MLLT10: variants seen among roughly 807,000 people sequenced by gnomAD.
MLLT10 encodes the protein MLLT10 histone lysine methyltransferase DOT1L cofactor, also known as protein AF-10.
Under a neutral mutation model 129.1 loss-of-function variants are expected in MLLT10, and 30 were observed. The observed-to-expected ratio is 0.23, with a 90% CI of 0.17 to 0.32. The LOEUF is 0.32. Ranked by LOEUF, MLLT10 falls within the 10% of genes least tolerant of loss-of-function variation. The pLI is 1.00. For synonymous variants in MLLT10, 490 were observed against 446.4 expected (o/e 1.10, Z -1.23); for missense variants, 1,119 against 1,268.3 (o/e 0.88, Z 1.79).
chr10:21,734,083 G>A lies in MLLT10; in HGVS notation c.2812G>A (p.Val938Ile), dbSNP rs773554943. The change falls in exon 20 of 23, where the codon GTA becomes ATA. Residue 938 changes from valine to isoleucine, a missense_variant. Transcript: ENST00000307729. Reference sequence around the variant, plus strand: ...CCCTACCCCTCTCACCCACACAACCGTACCACCTAATGCAACACATCCAAT... The same window carrying A: ...CCCTACCCCTCTCACCCACACAACCATACCACCTAATGCAACACATCCAAT... ...QNPTPLTHTT[V>I]PPNATHPMPA... is the part of the protein sequence containing the mutation. 2.4e-5 allele frequency: 38 copies of A among 1,613,544 alleles called. No individual in the cohort carries two copies. Among genetic ancestry groups the A allele is most frequent in the African/African-American group, 2.7e-5 (2 of 75,008 alleles).
chr10:21,601,662 A>G (rs2043545829), intron 5 of MLLT10, among the ~76,000 whole-genome samples: 1 of 152,160 alleles, frequency 6.6e-6, no homozygotes. Flanking sequence ...CTGAGTAACT[A>G]GGAGTACAGG....
intron 13 of MLLT10, among the ~76,000 whole-genome samples, chr10:21,685,399 A>C (rs1365189608): frequency 6.6e-6 from 1 of 152,220 alleles, no homozygotes; most frequent in Non-Finnish European, 1.5e-5. Context: ...CAATGGTGCC[A>C]TCTCAGCTCA....
chr10:21,707,364 T>A (rs2055627975), intron 13 of MLLT10, among the ~76,000 whole-genome samples: 1 of 151,818 alleles, frequency 6.6e-6, no homozygotes, highest in Admixed American at 6.6e-5. Flanking sequence ...GGCTAATTTT[T>A]GTATTTTTAG....
chr10:21,651,500 A>C (rs1312916416), intron 8 of MLLT10, among the ~76,000 whole-genome samples, 173 bp from the exon 9 acceptor site: 1 of 152,254 alleles, frequency 6.6e-6, no homozygotes, highest in African/African-American at 2.4e-5. Context: ...ACTTACCTAA[A>C]AAGAAACTCA....
In MLLT10 at chr10:21,682,235, G is replaced by C; in HGVS notation, c.1677G>C (p.Glu559Asp). The C allele has an allele frequency of 6.2e-7, 1 of 1,611,038 alleles. No individual in the cohort carries two copies. Among genetic ancestry groups the C allele is most frequent in the African/African-American group, 1.3e-5 (1 of 74,914 alleles). ...TTCCTTACTTAAAAGCGTTCTCAGAGTTGCTGAATGCAATACACAACGGTA... is the reference window on the plus strand; with the variant it reads ...TTCCTTACTTAAAAGCGTTCTCAGACTTGCTGAATGCAATACACAACGGTA... ...DGACPTTTFS[E>D]LLNAIHNGIY... The change falls in exon 13 of 23, where the codon GAG becomes GAC. Residue 559 changes from glutamate to aspartate, a missense_variant. Glu to Asp is a conservative substitution (Grantham distance 45). This residue lies in a region of MLLT10 where 1,004 missense variants were observed against 1,008.7 expected (regional missense o/e 1.00). Transcript: ENST00000307729.
At chr10:21,632,385 C>T (rs934858762) in intron 8 of MLLT10, among the ~76,000 whole-genome samples, 4 of 152,114 alleles carry the variant, frequency 2.6e-5, no homozygotes, top group African/African-American at 9.7e-5. Flanking sequence ...ATTATAGCAT[C>T]ATGGAGATGA....
chr10:21,688,745 T>G (rs1415025987), intron 13 of MLLT10, among the ~76,000 whole-genome samples: 2 of 152,188 alleles, frequency 1.3e-5, no homozygotes, highest in Non-Finnish European at 1.5e-5. Context: ...TTTGTCATAT[T>G]GCTTCAGACT....
chr10:21,559,191 C>A (rs1353118321), intron 3 of MLLT10, among the ~76,000 whole-genome samples: 2 of 152,230 alleles, frequency 1.3e-5, no homozygotes, highest in Non-Finnish European at 2.9e-5. Flanking sequence ...TCAAGTGATT[C>A]TCCTGCCTCA....
intron 7 of MLLT10, among the ~76,000 whole-genome samples, chr10:21,615,457 C>CAAAA (rs71393914): frequency 1.3e-5 from 1 of 75,586 alleles, no homozygotes; most frequent in Non-Finnish European, 2.4e-5. Flanking sequence ...GACTCCGTCT[C>CAAAA]AAAAAAAAAA....
intron 3 of MLLT10, among the ~76,000 whole-genome samples, chr10:21,575,280 A>G (rs1283851359): frequency 6.6e-6 from 1 of 151,710 alleles, no homozygotes; most frequent in Non-Finnish European, 1.5e-5. Flanking sequence ...CAACCTCTGC[A>G]TCCCGGGTTC....
At chr10:21,638,268 G>A (rs1323464883) in intron 8 of MLLT10, among the ~76,000 whole-genome samples, 18 of 102,572 alleles carry the variant, frequency 1.8e-4, no homozygotes, top group African/African-American at 7.0e-4. Flanking sequence ...GGGGGGAGGG[G>A]GGCGGGGGCA....
chr10:21,574,064 AGATT>A (rs2040486866), intron 3 of MLLT10, among the ~76,000 whole-genome samples: 1 of 152,112 alleles, frequency 6.6e-6, no homozygotes, highest in Admixed American at 6.6e-5. Context: ...TACTTGTGTG[AGATT>A]GATTTATAGT....
chr10:21,630,780 A>G (rs1489127279), intron 8 of MLLT10, among the ~76,000 whole-genome samples: 1 of 152,192 alleles, frequency 6.6e-6, no homozygotes, highest in African/African-American at 2.4e-5. Flanking sequence ...GTCACTTTAC[A>G]AGTACAGTAA....
chr10:21,601,999 A>G (rs2043580167), intron 5 of MLLT10, among the ~76,000 whole-genome samples: 1 of 152,200 alleles, frequency 6.6e-6, no homozygotes, highest in Non-Finnish European at 1.5e-5. Context: ...CATGGTATTA[A>G]AATAAGACAG....
At chr10:21,556,631 A>G in intron 3 of MLLT10, 1 of 1,599,394 alleles carries the variant, frequency 6.3e-7, no homozygotes, top group Non-Finnish European at 8.5e-7. Context: ...GATTGTTTTG[A>G]TTGCTTTTCA....
At chr10:21,649,163 C>T (rs886401246) in intron 8 of MLLT10, among the ~76,000 whole-genome samples, 1 of 152,186 alleles carries the variant, frequency 6.6e-6, no homozygotes, top group Non-Finnish European at 1.5e-5. Flanking sequence ...GCAGCCTCAA[C>T]CTTCCAGGCT....
chr10:21,662,821 G>T (rs1238163528), intron 9 of MLLT10, among the ~76,000 whole-genome samples: 1 of 152,216 alleles, frequency 6.6e-6, no homozygotes, highest in Non-Finnish European at 1.5e-5. Context: ...CTAGTGAATT[G>T]TGGGGAACAG....
At chr10:21,688,354 ATGGGGATTTTAACCC>A in intron 13 of MLLT10, 1 of 691,700 alleles carries the variant, frequency 1.4e-6, no homozygotes, top group Non-Finnish European at 2.5e-6. Flanking sequence ...CATAGGTTTC[ATGGGGATTTTAACCC>A]TGATGATCCA....
At chr10:21,584,785 G>GTA (rs549028914) in intron 3 of MLLT10, among the ~76,000 whole-genome samples, 34 of 150,684 alleles carry the variant, frequency 2.3e-4, no homozygotes, top group Admixed American at 1.1e-3. Flanking sequence ...GTGTATGTGT[G>GTA]TATATATATA....
Sources: gnomAD v4.1 joint callset for allele counts (sites outside exome capture counted in the v4.1 genomes callset) on GRCh38, gnomAD v4.1.1 for gene constraint, gnomAD v4.1.1 regional missense constraint, MANE v1.5 for transcripts, NCBI Gene and HGNC (gene_info 2026-07-23, HGNC 2026-07-21) for gene names.